BMP1: variants seen among roughly 807,000 people sequenced by gnomAD.
BMP1 encodes bone morphogenetic protein 1, also known as mammalian tolloid protein.
BMP1 carries 63 observed loss-of-function variants against 116.8 expected under a neutral mutation model. The ratio of observed to expected loss-of-function variants is 0.54; its 90% CI spans 0.44 to 0.67. The LOEUF (loss-of-function observed/expected upper bound fraction) is 0.67, where lower values mean the gene tolerates loss of function less well. BMP1 is among the 30% of genes least tolerant of loss of function. BMP1 has a pLI of 0.00. For synonymous variants in BMP1, 536 were observed against 533.4 expected, an observed-to-expected ratio of 1.00 and a Z score of -0.07; for missense variants, 1,183 against 1,358.9, an observed-to-expected ratio of 0.87 and a Z score of 2.04.
intron 12 of BMP1, among the ~76,000 whole-genome samples, 163 bp downstream of exon 12, chr8:22,195,082 C>T (rs1829043957): frequency 6.6e-6 from 1 of 152,154 alleles, no homozygotes; most frequent in African/African-American, 2.4e-5. Context: ...GAAGAGGTCC[C>T]CCAATGTGGA....
intron 18 of BMP1, 93 bp from the exon 19 acceptor site, chr8:22,209,352 C>A: frequency 6.5e-7 from 1 of 1,540,172 alleles, no homozygotes; most frequent in South Asian, 1.3e-5. Context: ...CCCAGGCCTC[C>A]ATCCTGCCGT....
intron 15 of BMP1, 65 bp downstream of exon 15, chr8:22,197,485 T>TC: frequency 6.5e-7 from 1 of 1,535,394 alleles, no homozygotes. Context: ...CCTTTCTCCC[T>TC]GCCCCTGCAC....
rs1828555885 is a variant in BMP1 at position 22,179,697 on chromosome 8, T to C, written c.837-8T>C. ...ACGCTCACCCTTACTTTTCTCCCTC[T>C]TCTTCAGGGGCATCTTCCTGGATAC... On this transcript the variant is annotated splice_polypyrimidine_tract_variant and splice_region_variant and intron_variant, in intron 6 of 19. Transcript: ENST00000306385. This position sits in a 1 kb window ranked among gnomAD's most constrained non-coding sequence, Gnocchi z 4.6. 1 of 1,613,754 alleles carries C rather than the reference T, an allele frequency of 6.2e-7. No individual in the cohort carries two copies. Among genetic ancestry groups the C allele is most frequent in the Non-Finnish European group, 8.5e-7 (1 of 1,179,754 alleles).
chr8:22,207,864 ATTT>A (rs1246625325), intron 18 of BMP1, among the ~76,000 whole-genome samples: 2 of 150,570 alleles, frequency 1.3e-5, no homozygotes, highest in African/African-American at 5.0e-5. Context: ...TCTGATATTT[ATTT>A]TTTTATTTTT....
Position 22,194,096 on chromosome 8 carries a change from TC to T in BMP1, c.1221del (p.Thr408LeufsTer32). 1 of 1,614,210 alleles carries T rather than the reference TC, an allele frequency of 6.2e-7. No homozygotes were observed. The highest frequency in any genetic ancestry group is 8.5e-7 in the Non-Finnish European group (1 of 1,180,040). ...GTCCAAACTCCCTGAGCCTATCGTCTCCACTGACAGCCGCCTCTGGGTTGAA... is the reference window on the plus strand; with the variant it reads ...GTCCAAACTCCCTGAGCCTATCGTCTCACTGACAGCCGCCTCTGGGTTGAA... ...CGSKLPEPIV[S>X]TDSRLWVEFR... On this transcript the variant is annotated frameshift_variant, in exon 10 of 20. Transcript: ENST00000306385. LOFTEE classifies it high-confidence loss of function. The surrounding 1 kb of genome is among the most constrained non-coding windows in gnomAD (Gnocchi z 4.5).
chr8:22,204,610 C>G (rs1374451599), intron 16 of BMP1, among the ~76,000 whole-genome samples: 1 of 152,186 alleles, frequency 6.6e-6, no homozygotes. Context: ...ATAGTCCCAA[C>G]TGCTTGGGAG....
chr8:22,209,608 G>A lies in BMP1; in HGVS notation c.2739G>A (p.Glu913=). Residue 913 remains glutamate (E), a synonymous_variant, in exon 19 of 20, where the codon GAG becomes GAA. Transcript: ENST00000306385. The stretch of plus-strand genomic sequence containing the variant: ...TGTTCCAGACCTTTGAGGTGGAGGA[G>A]GAGACCGACTGCGGCTATGACTACA... ...ELVFQTFEVE[E]ETDCGYDYME... The A allele has an allele frequency of 3.1e-6, 5 of 1,614,204 alleles. No individual in the cohort carries two copies. The highest frequency in any genetic ancestry group is 4.2e-6 in the Non-Finnish European group (5 of 1,180,024).
chr8:22,190,721 A>T (rs1828907512), intron 8 of BMP1, among the ~76,000 whole-genome samples: 1 of 152,186 alleles, frequency 6.6e-6, no homozygotes, highest in Non-Finnish European at 1.5e-5. Flanking sequence ...CCCGACTAGC[A>T]TTGATGCTGG....
intron 15 of BMP1, chr8:22,199,040 A>G: frequency 3.7e-6 from 5 of 1,347,810 alleles, no homozygotes; most frequent in Non-Finnish European, 4.9e-6. Flanking sequence ...GGGGCAGGGG[A>G]CCGACACTCA....
In BMP1 at chr8:22,179,551, T is replaced by C. The variant is rs1034017783; in HGVS notation, c.837-154T>C. ...GGCTGCTGGTCAGTGGGTAGCATAA[T>C]GACAGGGTGAGACGACTCCACCCGG... On this transcript the variant is annotated intron_variant, in intron 6 of 19. Transcript: ENST00000306385. The surrounding 1 kb of genome is among the most constrained non-coding windows in gnomAD (Gnocchi z 4.6). 2.6e-5 allele frequency: 34 copies of C among 1,329,682 alleles called. No homozygotes were observed. The highest frequency in any genetic ancestry group is 2.7e-5 in the Non-Finnish European group (27 of 985,274). The allele number at this position is 1,329,682 out of a possible 1,614,324, so 82.4% of individuals were successfully genotyped here. A position where few individuals can be genotyped will look rare whatever the true frequency, so the allele number is the denominator to read the frequency against.
intron 7 of BMP1, among the ~76,000 whole-genome samples, chr8:22,180,085 G>A (rs1311857829): frequency 1.3e-5 from 2 of 152,152 alleles, no homozygotes; most frequent in East Asian, 1.9e-4. Context: ...GCAATCCTAG[G>A]AGAGGGAGGT....
At chr8:22,196,032 A>G (rs1406009507) in intron 13 of BMP1, 3 of 368,770 alleles carry the variant, frequency 8.1e-6, no homozygotes, top group Non-Finnish European at 1.6e-5. Context: ...TAAGAAACAC[A>G]TGTCACATTG....
At chr8:22,182,406 C>G in intron 8 of BMP1, among the ~76,000 whole-genome samples, 1 of 152,172 alleles carries the variant, frequency 6.6e-6, no homozygotes, top group East Asian at 1.9e-4. Flanking sequence ...GTTATTACAC[C>G]AGTTATGATG....
At chr8:22,192,430 C>T (rs1233892731) in intron 9 of BMP1, 3 of 337,216 alleles carry the variant, frequency 8.9e-6, no homozygotes, top group Non-Finnish European at 1.7e-5. Flanking sequence ...TGCAAGGAGT[C>T]ATCAGAATTG....
At chr8:22,176,387 G>A (rs1828435139) in intron 3 of BMP1, 74 bp downstream of exon 3, 16 of 1,560,180 alleles carry the variant, frequency 1.0e-5, no homozygotes, top group Middle Eastern at 1.9e-4. Flanking sequence ...TGCCAGGCAC[G>A]GAGGCGTGGG....
rs552426324 is a variant in BMP1 at position 22,196,503 on chromosome 8, G to T, written c.1766-177G>T. On this transcript the variant is annotated intron_variant, in intron 13 of 19. Transcript: ENST00000306385. ...TCCTCCCTACAGGCCCACCCCTGAG[G>T]ACACCCAGGCCACCCTGCCTCCTCC... 4 of 834,268 alleles carry T rather than the reference G, an allele frequency of 4.8e-6. No individual in the cohort carries two copies. In the East Asian group the frequency reaches 1.0e-4, roughly 22 times the overall value. 51.7% of individuals were successfully genotyped at this position (834,268 alleles called of 1,614,324 possible).
chr8:22,166,521 G>A (rs1187350735), intron 1 of BMP1, among the ~76,000 whole-genome samples: 2 of 152,236 alleles, frequency 1.3e-5, no homozygotes, highest in Non-Finnish European at 2.9e-5. Context: ...GCTGTTTGGG[G>A]ACACACAGGG....
chr8:22,188,109 T>A (rs906443289), intron 8 of BMP1, among the ~76,000 whole-genome samples: 9 of 151,980 alleles, frequency 5.9e-5, no homozygotes, highest in African/African-American at 1.9e-4. Flanking sequence ...CAGAAGACTC[T>A]GTACCCCATA....
rs375264197 is a variant in BMP1 at position 22,208,986 on chromosome 8, G to A, written c.2576-459G>A. On this transcript the variant is annotated intron_variant, in intron 18 of 19. Transcript: ENST00000306385. ...GGCCCGGAACTCCATCTGGCCCTCAGACCTGCTATGTTTGGCCCACACTGT... is the reference window on the plus strand; with the variant it reads ...GGCCCGGAACTCCATCTGGCCCTCAAACCTGCTATGTTTGGCCCACACTGT... 5.3e-5 allele frequency among the ~76,000 whole-genome samples: 8 copies of A among 152,358 alleles called. No individual in the cohort carries two copies. In the East Asian group the frequency reaches 1.5e-3, roughly 29 times the overall value.
Sources: allele counts gnomAD v4.1 joint callset (sites outside exome capture counted in the v4.1 genomes callset), GRCh38; gene constraint gnomAD v4.1.1; non-coding constraint Gnocchi (gnomAD v3.1); transcripts MANE v1.5; gene names NCBI Gene and HGNC (gene_info 2026-07-23, HGNC 2026-07-21).